APLF: variants seen among roughly 807,000 people sequenced by gnomAD.
The protein encoded by APLF is aprataxin and PNKP like factor.
APLF carries 61 observed loss-of-function variants against 55.6 expected under a neutral mutation model. That is an observed-to-expected ratio of 1.10 (90% CI 0.89 to 1.36). The LOEUF (loss-of-function observed/expected upper bound fraction) is 1.36. Among genes scored for constraint, APLF ranks in the 40% most tolerant of loss-of-function variants. The probability of loss-of-function intolerance (pLI) is 0.00; values close to 1 mark genes in which losing one functional copy is unlikely to be tolerated. For missense variants in APLF, 611 were observed against 602.5 expected, an observed-to-expected ratio of 1.01 and a Z score of -0.15; for synonymous variants, 207 against 214.8, an observed-to-expected ratio of 0.96 and a Z score of 0.32.
Position 68,579,020 on chromosome 2 carries a change from C to A in APLF, c.*998C>A. On this transcript the variant is annotated 3_prime_UTR_variant, in exon 10 of 10. Coordinates refer to ENST00000303795, the MANE Select transcript of APLF (RefSeq NM_173545.3). ...GAATTGTTAAAATGTAGTTTAGAAT[C>A]TTTAATAACAGTTGGGTTGTGTACA... 1 of 984,962 alleles carries A rather than the reference C, an allele frequency of 1.0e-6. No individual in the cohort carries two copies. Among genetic ancestry groups the A allele is most frequent in the South Asian group, 4.7e-5 (1 of 21,280 alleles). The allele number at this position is 984,962 out of a possible 1,614,324, so 61.0% of individuals were successfully genotyped here.
Position 68,491,038 on chromosome 2 carries a change from T to A in APLF, c.168+777T>A, listed in dbSNP as rs554514213. On this transcript the variant is annotated intron_variant, in intron 2 of 9. Transcript: ENST00000303795. ...TTTACACAGATAGTACTTGCTTTTA[T>A]TATCCTATGTTTAACTGTTTGCAAA... 6.6e-4 allele frequency among the ~76,000 whole-genome samples: 100 copies of A among 152,238 alleles called. 1 individual carries two copies. The highest frequency in any genetic ancestry group is 1.3e-3 in the Non-Finnish European group (89 of 68,028).
intron 8 of APLF, among the ~76,000 whole-genome samples, chr2:68,548,994 A>G (rs1670783724): frequency 1.3e-5 from 2 of 152,054 alleles, no homozygotes; most frequent in Non-Finnish European, 2.9e-5. Context: ...GATAAGCTCT[A>G]AAAACCTACC....
intron 5 of APLF, among the ~76,000 whole-genome samples, chr2:68,522,238 T>C (rs1309764428): frequency 6.6e-6 from 1 of 151,900 alleles, no homozygotes; most frequent in Non-Finnish European, 1.5e-5. Context: ...TGGTTCATTT[T>C]ATTTTTACTA....
chr2:68,563,421 A>G, intron 8 of APLF: 1 of 923,766 alleles, frequency 1.1e-6, no homozygotes, highest in Non-Finnish European at 1.3e-6. Context: ...AGGTTGGTGG[A>G]TGCAGATGGT....
In APLF at chr2:68,529,446, C is replaced by G. The variant is rs185492265; in HGVS notation, c.804+3204C>G. ...CTGCGGCGGAACCAGGAACAAAATA[C>G]GCTTAGTGAGTTGTCCATTTTGAGC... is the stretch of plus-strand genomic sequence containing the variant. On this transcript the variant is annotated intron_variant, in intron 6 of 9. Coordinates refer to ENST00000303795, the MANE Select transcript of APLF (RefSeq NM_173545.3). This position sits in a 1 kb window ranked among gnomAD's most constrained non-coding sequence, Gnocchi z 4.4. 324 of 1,170,682 alleles carry G rather than the reference C, an allele frequency of 2.8e-4. 8 individuals carry two copies. The East Asian group carries it at 0.015, about 55-fold the overall frequency. The allele number at this position is 1,170,682 out of a possible 1,614,324, so 72.5% of individuals were successfully genotyped here.
At chr2:68,567,301 A>T in intron 8 of APLF, 40 bp from the exon 9 acceptor site, 1 of 1,562,106 alleles carries the variant, frequency 6.4e-7, no homozygotes, top group Non-Finnish European at 8.8e-7. Flanking sequence ...AACTTTTAGT[A>T]ATTGGAAGAC....
chr2:68,485,848 C>T (rs184706225), intron 1 of APLF, among the ~76,000 whole-genome samples: 15 of 142,742 alleles, frequency 1.1e-4, no homozygotes, highest in Admixed American at 2.2e-4. Flanking sequence ...CTCACCCTGT[C>T]GCCCAGACTG....
intron 9 of APLF, 43 bp downstream of exon 9, chr2:68,567,430 A>G: frequency 1.4e-6 from 2 of 1,423,292 alleles, no homozygotes; most frequent in Non-Finnish European, 1.9e-6. Context: ...AAACCTTTAA[A>G]TGATTTTCCT....
intron 9 of APLF, among the ~76,000 whole-genome samples, 156 bp downstream of exon 9, chr2:68,567,543 A>G (rs1353630889): frequency 6.6e-6 from 1 of 151,800 alleles, no homozygotes; most frequent in Non-Finnish European, 1.5e-5. Flanking sequence ...TTAAAAAAAA[A>G]CACAACTGTG....
At chr2:68,512,207 C>T (rs1021103624) in intron 3 of APLF, among the ~76,000 whole-genome samples, 10 of 151,546 alleles carry the variant, frequency 6.6e-5, no homozygotes, top group African/African-American at 1.2e-4. Flanking sequence ...TAGTCTGTCC[C>T]TTCACTCCAC....
Position 68,518,279 on chromosome 2 carries a change from TATA to T in APLF, c.622+4603_622+4605del, listed in dbSNP as rs531875784. On this transcript the variant is annotated intron_variant, in intron 5 of 9. Coordinates refer to ENST00000303795, the MANE Select transcript of APLF (RefSeq NM_173545.3). ...ATTATGAATAGATAATATATCAGTA[TATA>T]ATATTAATATATTAATATATTATAT... Among the ~76,000 whole-genome samples, 1,041 of 116,372 alleles carry T rather than the reference TATA, an allele frequency of 8.9e-3. 12 individuals carry two copies. The highest frequency in any genetic ancestry group is 0.035 in the African/African-American group (989 of 28,420). The allele number at this position is 116,372 out of a possible 152,430, so 76.3% of individuals were successfully genotyped here. A position where few individuals can be genotyped will look rare whatever the true frequency, so the allele number is the denominator to read the frequency against.
chr2:68,568,038 A>G (rs1046341607), intron 9 of APLF, among the ~76,000 whole-genome samples: 1 of 152,090 alleles, frequency 6.6e-6, no homozygotes, highest in African/African-American at 2.4e-5. Context: ...AGTCACCTTC[A>G]TCAGAACCAT....
chr2:68,482,366 G>A (rs1675987391), intron 1 of APLF, among the ~76,000 whole-genome samples: 1 of 152,098 alleles, frequency 6.6e-6, no homozygotes, highest in African/African-American at 2.4e-5. Context: ...ACCCATATTA[G>A]TGATGTTTGC....
chr2:68,541,463 A>C (rs888411931), intron 7 of APLF, among the ~76,000 whole-genome samples: 1 of 152,214 alleles, frequency 6.6e-6, no homozygotes, highest in Non-Finnish European at 1.5e-5. Context: ...TAAGAAAAAA[A>C]AATGAGCAAA....
chr2:68,513,467 G>A lies in APLF; in HGVS notation c.490-81G>A, dbSNP rs1316389777. 4 of 1,466,548 alleles carry A rather than the reference G, an allele frequency of 2.7e-6. No individual in the cohort carries two copies. In the Admixed American group the frequency reaches 7.9e-5, roughly 29 times the overall value. 90.8% of individuals were successfully genotyped at this position (1,466,548 alleles called of 1,614,324 possible). On this transcript the variant is annotated intron_variant, in intron 4 of 9. Coordinates refer to ENST00000303795, the MANE Select transcript of APLF (RefSeq NM_173545.3). ...ACAGTTGCATATGGGTATTTTAATG[G>A]TAGTATTCTGCAAAGCAGATATTTT...
chr2:68,501,081 C>T (rs1676705764), intron 2 of APLF, among the ~76,000 whole-genome samples: 1 of 152,164 alleles, frequency 6.6e-6, no homozygotes, highest in South Asian at 2.1e-4. Context: ...TATAGTTTGA[C>T]TAATAAAATA....
intron 8 of APLF, among the ~76,000 whole-genome samples, chr2:68,545,941 A>C (rs956045842): frequency 2.0e-5 from 3 of 152,124 alleles, no homozygotes; most frequent in Non-Finnish European, 4.4e-5. Context: ...CAAACTATCA[A>C]AGAAAAAAGT....
rs774753753 is a variant in APLF, at chr2:68,502,833, T to C, written c.271T>C (p.Leu91=). ...CYLNPGDSFS[L]LVDKYIFRIL... ...TTTGAATCCTGGAGACAGCTTTTCT[T>C]TGTTAGTTGACAAATACATTTTCCG... Residue 91 remains leucine, a synonymous_variant, in exon 3 of 10, where the codon TTG becomes CTG. Transcript: ENST00000303795. The C allele has an allele frequency of 6.2e-7, 1 of 1,607,212 alleles. No homozygotes were observed. The highest frequency in any genetic ancestry group is 2.3e-5 in the East Asian group (1 of 44,262).
rs571833611 is a variant in APLF at position 68,518,935 on chromosome 2, ATATAT to A, written c.622+5261_622+5265del. ...AAATAATAATATATCATTAATATTA[ATATAT>A]TATATAATATTATTAATAATACATA... On this transcript the variant is annotated intron_variant, in intron 5 of 9. Coordinates refer to ENST00000303795, the MANE Select transcript of APLF (RefSeq NM_173545.3). Among the ~76,000 whole-genome samples, 269 of 124,462 alleles carry A rather than the reference ATATAT, an allele frequency of 2.2e-3. 6 individuals carry two copies. In the East Asian group the frequency reaches 0.052, roughly 24 times the overall value. 81.7% of individuals were successfully genotyped at this position (124,462 alleles called of 152,430 possible).
Sources: allele counts gnomAD v4.1 joint callset (sites outside exome capture counted in the v4.1 genomes callset), GRCh38; gene constraint gnomAD v4.1.1; non-coding constraint Gnocchi (gnomAD v3.1); transcripts MANE v1.5; gene names NCBI Gene and HGNC (gene_info 2026-07-23, HGNC 2026-07-21).